Variants in PTPRT observed in about 807,000 individuals in gnomAD.
PTPRT encodes the protein receptor-type tyrosine-protein phosphatase T.
In PTPRT, 56 loss-of-function variants were observed where a neutral mutation model predicts 176.8. The observed-to-expected ratio is 0.32, with a 90% CI of 0.26 to 0.40. The LOEUF is 0.40. Ranked by LOEUF, PTPRT falls within the 10% of genes least tolerant of loss-of-function variation. The probability of loss-of-function intolerance (pLI) is 1.00; values close to 1 mark genes in which losing one functional copy is unlikely to be tolerated. For missense variants in PTPRT, 1,540 were observed against 1,908.2 expected, an observed-to-expected ratio of 0.81 and a Z score of 3.60; for synonymous variants, 783 against 739.0, an observed-to-expected ratio of 1.06 and a Z score of -0.96.
chr20:42,538,633 T>C (rs183984358), intron 7 of PTPRT, among the ~76,000 whole-genome samples: 129 of 152,254 alleles, frequency 8.5e-4, no homozygotes, highest in African/African-American at 2.8e-3. Flanking sequence ...ACATCATTGC[T>C]CAGTACAGAG....
At chr20:42,038,178 A>T in the PTPRT span, among the ~76,000 whole-genome samples, 1 of 152,144 alleles carries the variant, frequency 6.6e-6, no homozygotes, top group Non-Finnish European at 1.5e-5. Flanking sequence ...GTGAGTTATA[A>T]ATGTGCTCTG....
chr20:42,343,238 T>C (rs2058138295), intron 11 of PTPRT, among the ~76,000 whole-genome samples: 1 of 152,190 alleles, frequency 6.6e-6, no homozygotes, highest in Non-Finnish European at 1.5e-5. Flanking sequence ...CAGACCACCT[T>C]TGCCACCATT....
At chr20:42,130,810 T>A (rs6124418) in intron 18 of PTPRT, among the ~76,000 whole-genome samples, 1 of 151,872 alleles carries the variant, frequency 6.6e-6, no homozygotes, top group Admixed American at 6.6e-5. Context: ...TTTGGGTGAG[T>A]GGGAGAGTGG....
intron 23 of PTPRT, among the ~76,000 whole-genome samples, chr20:42,108,586 A>G (rs1986711160): frequency 6.6e-6 from 1 of 152,234 alleles, no homozygotes; most frequent in African/African-American, 2.4e-5. Context: ...TATTACTATT[A>G]TATTCAACAA....
intron 1 of PTPRT, among the ~76,000 whole-genome samples, chr20:42,900,963 G>A (rs1427055452): frequency 1.3e-5 from 2 of 152,134 alleles, no homozygotes; most frequent in Non-Finnish European, 2.9e-5. Context: ...TCCCAGGACT[G>A]ATTGTATCTT....
intron 7 of PTPRT, among the ~76,000 whole-genome samples, chr20:42,582,779 T>C (rs951444246): frequency 2.6e-5 from 4 of 152,252 alleles, no homozygotes; most frequent in African/African-American, 9.6e-5. Context: ...ACTGGACCTA[T>C]AGAGAAACCT....
chr20:42,316,102 T>G, intron 11 of PTPRT, 106 bp from the exon 12 acceptor site: 1 of 1,301,992 alleles, frequency 7.7e-7, no homozygotes, highest in Non-Finnish European at 1.1e-6. Flanking sequence ...AAGCATTGGT[T>G]CGGTCTACAA....
chr20:42,997,695 A>T (rs1451299529), intron 1 of PTPRT, among the ~76,000 whole-genome samples: 1 of 152,246 alleles, frequency 6.6e-6, no homozygotes, highest in African/African-American at 2.4e-5. Flanking sequence ...GGAAATTTCT[A>T]AATGACAATA....
chr20:43,112,319 A>T (rs1600721705), intron 1 of PTPRT, among the ~76,000 whole-genome samples: 3 of 152,332 alleles, frequency 2.0e-5, no homozygotes, highest in Admixed American at 2.0e-4. Flanking sequence ...GGTGCCAAGG[A>T]CTATTGATGA....
intron 1 of PTPRT, among the ~76,000 whole-genome samples, chr20:43,120,604 G>A (rs980978677): frequency 2.0e-5 from 3 of 152,166 alleles, no homozygotes; most frequent in African/African-American, 7.2e-5. Flanking sequence ...TTGTTATCTT[G>A]GAAATTGGTT....
chr20:42,081,196 A>G (rs1983295299), intron 30 of PTPRT, among the ~76,000 whole-genome samples: 1 of 152,080 alleles, frequency 6.6e-6, no homozygotes, highest in Non-Finnish European at 1.5e-5. Context: ...GGCTTCTCAA[A>G]CTGTAACGTG....
chr20:42,173,287 G>A (rs1432266393), intron 16 of PTPRT, among the ~76,000 whole-genome samples: 1 of 152,118 alleles, frequency 6.6e-6, no homozygotes, highest in African/African-American at 2.4e-5. Context: ...CTATGTGTCT[G>A]GAGTGAACTG....
intron 1 of PTPRT, among the ~76,000 whole-genome samples, chr20:43,005,948 TG>T (rs1252381516): frequency 2.0e-5 from 3 of 152,192 alleles, no homozygotes; most frequent in African/African-American, 7.2e-5. Flanking sequence ...ATATTTTAGT[TG>T]ATATATAGGA....
In PTPRT at chr20:42,126,706, T is replaced by C. The variant is rs548972230; in HGVS notation, c.2847+2048A>G. On this transcript the variant is annotated intron_variant, in intron 19 of 30. Coordinates refer to ENST00000373187, the MANE Select transcript of PTPRT (RefSeq NM_007050.6). The stretch of plus-strand genomic sequence containing the variant: ...TTTCTTATCTGACTCCCTCACCAGA[T>C]TTGAGTCCCTTTTAGGTCAGAGACC... 2.6e-5 allele frequency among the ~76,000 whole-genome samples: 4 copies of C among 152,354 alleles called. No individual in the cohort carries two copies. The South Asian group carries it at 8.3e-4, about 32-fold the overall frequency.
chr20:42,297,769 C>T (rs1475757324), intron 12 of PTPRT, among the ~76,000 whole-genome samples: 1 of 151,946 alleles, frequency 6.6e-6, no homozygotes, highest in Non-Finnish European at 1.5e-5. Flanking sequence ...ATTATCGGGA[C>T]AAAAATGGAC....
Position 42,075,045 on chromosome 20 carries a change from A to T in PTPRT, c.*5834T>A, listed in dbSNP as rs1982638555. 1 of 390,628 alleles carries T rather than the reference A, an allele frequency of 2.6e-6. No individual in the cohort carries two copies. Among genetic ancestry groups the T allele is most frequent in the Non-Finnish European group, 4.5e-6 (1 of 221,684 alleles). 24.2% of individuals were successfully genotyped at this position (390,628 alleles called of 1,614,324 possible). ...CTCTCTCCCTGCTGTTCAGTCTATG[A>T]CCTCAAAGGCAGATCCCTGCAAGAC... On this transcript the variant is annotated 3_prime_UTR_variant, in exon 31 of 31. Transcript: ENST00000373187.
chr20:42,337,993 C>T (rs543709045), intron 11 of PTPRT, among the ~76,000 whole-genome samples: 7 of 152,320 alleles, frequency 4.6e-5, no homozygotes, highest in African/African-American at 9.6e-5. Flanking sequence ...CAGAGCCTCC[C>T]GTGTCAGCTT....
intron 14 of PTPRT, among the ~76,000 whole-genome samples, chr20:42,244,410 G>T (rs2056412231): frequency 6.6e-6 from 1 of 152,190 alleles, no homozygotes; most frequent in South Asian, 2.1e-4. Flanking sequence ...AAAGGTTAAG[G>T]CTGGACTAGG....
intron 1 of PTPRT, among the ~76,000 whole-genome samples, chr20:43,017,688 G>A (rs916714439): frequency 6.6e-6 from 1 of 152,206 alleles, no homozygotes; most frequent in African/African-American, 2.4e-5. Flanking sequence ...GGAGGGAAAA[G>A]CTCCAAATTC....
Sources: gnomAD v4.1 joint callset for allele counts (sites outside exome capture counted in the v4.1 genomes callset) on GRCh38, gnomAD v4.1.1 for gene constraint, MANE v1.5 for transcripts, NCBI Gene and HGNC (gene_info 2026-07-23, HGNC 2026-07-21) for gene names.